PPM1K: variants seen among roughly 807,000 people sequenced by gnomAD.
PPM1K encodes protein phosphatase, Mg2+/Mn2+ dependent 1K.
Under a neutral mutation model 32.6 loss-of-function variants are expected in PPM1K, and 19 were observed. The ratio of observed to expected loss-of-function variants is 0.58; its 90% CI spans 0.41 to 0.86. PPM1K has a LOEUF of 0.86. Ranked by LOEUF, PPM1K falls within the 40% of genes least tolerant of loss-of-function variation. The pLI is 0.00. For missense variants in PPM1K, 362 were observed against 461.2 expected, an observed-to-expected ratio of 0.78 and a Z score of 1.97; for synonymous variants, 159 against 165.3, an observed-to-expected ratio of 0.96 and a Z score of 0.29.
chr4:88,280,249 T>C (rs79328247), intron 1 of PPM1K, among the ~76,000 whole-genome samples: 1 of 152,144 alleles, frequency 6.6e-6, no homozygotes, highest in Non-Finnish European at 1.5e-5. Flanking sequence ...CCTCAATCTT[T>C]AGATATTTAA....
intron 3 of PPM1K, among the ~76,000 whole-genome samples, chr4:88,274,109 A>C (rs1024049537): frequency 1.3e-5 from 2 of 152,150 alleles, no homozygotes; most frequent in Admixed American, 1.3e-4. Flanking sequence ...CTCGTCCTTG[A>C]TTTCCTTGGT....
chr4:88,273,658 G>A (rs1464341513), intron 3 of PPM1K, among the ~76,000 whole-genome samples: 1 of 150,044 alleles, frequency 6.7e-6, no homozygotes, highest in Non-Finnish European at 1.5e-5. Flanking sequence ...TCTAGCCTGG[G>A]AGACTAGAGC....
At chr4:88,268,357 G>A (rs750702059) in intron 4 of PPM1K, 23 bp from the exon 5 acceptor site, 13 of 1,613,896 alleles carry the variant, frequency 8.1e-6, no homozygotes, top group Middle Eastern at 1.6e-4. Context: ...AAATGACAAT[G>A]GTGTGATATG....
At chr4:88,269,505 A>G (rs1731473260) in intron 3 of PPM1K, among the ~76,000 whole-genome samples, 1 of 152,200 alleles carries the variant, frequency 6.6e-6, no homozygotes. Context: ...AAAATCCTAA[A>G]ATGGTTACAG....
chr4:88,276,663 C>T, intron 3 of PPM1K: 1 of 984,958 alleles, frequency 1.0e-6, no homozygotes, highest in Non-Finnish European at 1.2e-6. Flanking sequence ...GCATATTAAC[C>T]ATTGTCTTTT....
In PPM1K at chr4:88,277,112, A is replaced by G. The variant is rs28521636; in HGVS notation, c.541+31T>C. On this transcript the variant is annotated intron_variant, in intron 3 of 6. Transcript: ENST00000608933. ...TCCTCCCCCACCCCATGTACTCCCT[A>G]GGATCCAAGGAATGTGATAGTTTTA... is the stretch of plus-strand genomic sequence containing the variant. 2.9e-3 allele frequency: 4,164 copies of G among 1,436,894 alleles called. 15 individuals carry two copies. Among genetic ancestry groups the G allele is most frequent in the Non-Finnish European group, 3.7e-3 (3,793 of 1,019,628 alleles). The allele number at this position is 1,436,894 out of a possible 1,614,324, so 89.0% of individuals were successfully genotyped here. A position where few individuals can be genotyped will look rare whatever the true frequency, so the allele number is the denominator to read the frequency against.
rs1359937571 is a variant in PPM1K, at chr4:88,278,137, T to A, written c.440+7A>T. The stretch of plus-strand genomic sequence containing the variant: ...GCAAAGTCAGGAGTGAAAGTCATTG[T>A]ACATACATAATACATTTCTCCATGT... On this transcript the variant is annotated splice_region_variant and intron_variant, in intron 2 of 6. Transcript: ENST00000608933. This position sits in a 1 kb window ranked among gnomAD's most constrained non-coding sequence, Gnocchi z 4.2. The A allele has an allele frequency of 6.2e-7, 1 of 1,608,222 alleles. No homozygotes were observed. The highest frequency in any genetic ancestry group is 1.3e-5 in the African/African-American group (1 of 74,836).
intron 3 of PPM1K, among the ~76,000 whole-genome samples, chr4:88,270,499 A>C (rs1019694031): frequency 6.6e-6 from 1 of 152,216 alleles, no homozygotes; most frequent in Non-Finnish European, 1.5e-5. Flanking sequence ...CGTAACTTTA[A>C]ATTACCCAAA....
chr4:88,276,918 G>T, intron 3 of PPM1K: 1 of 767,656 alleles, frequency 1.3e-6, no homozygotes, highest in Non-Finnish European at 1.8e-6. Flanking sequence ...TTCTCTTTCT[G>T]AAAAATTCTC....
chr4:88,273,485 A>T (rs1731641412), intron 3 of PPM1K, among the ~76,000 whole-genome samples: 1 of 152,182 alleles, frequency 6.6e-6, no homozygotes, highest in African/African-American at 2.4e-5. Context: ...GTTAGAGACC[A>T]GCCTGACCAA....
chr4:88,273,776 T>A (rs13125860), intron 3 of PPM1K, among the ~76,000 whole-genome samples: 45,120 of 151,516 alleles, frequency 0.3, 8,114 homozygotes, highest in Non-Finnish European at 0.39. Flanking sequence ...TGTAAAGAAA[T>A]GGGCAACATG....
At chr4:88,268,098 G>T in intron 5 of PPM1K, 92 bp downstream of exon 5, 6 of 1,345,276 alleles carry the variant, frequency 4.5e-6, no homozygotes, top group South Asian at 1.4e-5. Flanking sequence ...AATCATTTTG[G>T]CTTCAGTTAA....
chr4:88,265,733 A>G (rs1289445631), intron 5 of PPM1K, among the ~76,000 whole-genome samples: 1 of 152,272 alleles, frequency 6.6e-6, no homozygotes, highest in Non-Finnish European at 1.5e-5. Flanking sequence ...TTAAAAGTAA[A>G]GAGTAAAGAA....
intron 3 of PPM1K, among the ~76,000 whole-genome samples, chr4:88,272,739 G>C (rs1731614836): frequency 6.6e-6 from 1 of 152,210 alleles, no homozygotes. Flanking sequence ...AAAAATAGCT[G>C]ACAATTTCTT....
chr4:88,267,720 ATCTC>A (rs1025371634), intron 5 of PPM1K, among the ~76,000 whole-genome samples: 7 of 152,324 alleles, frequency 4.6e-5, no homozygotes, highest in Admixed American at 3.9e-4. Context: ...AGGTTTTACT[ATCTC>A]TCCACATTTT....
intron 3 of PPM1K, among the ~76,000 whole-genome samples, chr4:88,273,920 C>T (rs368190297): frequency 2.6e-5 from 4 of 152,296 alleles, no homozygotes; most frequent in African/African-American, 9.6e-5. Context: ...CACATCTGGT[C>T]CAACCAATCT....
chr4:88,274,979 T>C (rs1578320446), intron 3 of PPM1K: 1 of 452,128 alleles, frequency 2.2e-6, no homozygotes, highest in Non-Finnish European at 2.9e-6. Flanking sequence ...CAAAATAAGA[T>C]TTAATAACAA....
At position 88,278,470 on chromosome 4, in the gene PPM1K, G is replaced by A; in HGVS notation, c.114C>T (p.Cys38=). The change falls in exon 2 of 7, where the codon TGC becomes TGT. Residue 38 remains cysteine (C), a synonymous_variant. Transcript: ENST00000608933. This position sits in a 1 kb window ranked among gnomAD's most constrained non-coding sequence, Gnocchi z 4.2. Reference sequence around the variant, plus strand: ...ACCTAGGCTCTGAAGTGGAGCTGTGGCACGTGGGTGTCACCCGCCTGTCGT... The same window carrying A: ...ACCTAGGCTCTGAAGTGGAGCTGTGACACGTGGGTGTCACCCGCCTGTCGT... ...LQDDRRVTPT[C]HSSTSEPRCS... is the part of the protein sequence containing the mutation. 6.2e-7 allele frequency: 1 copy of A among 1,614,108 alleles called. No individual in the cohort carries two copies.
At chr4:88,275,531 TAA>T in intron 3 of PPM1K, 1 of 985,432 alleles carries the variant, frequency 1.0e-6, no homozygotes, top group Non-Finnish European at 1.2e-6. Flanking sequence ...TAGATACTTT[TAA>T]AAGAGGCTGA....
Sources: gnomAD v4.1 joint callset for allele counts (sites outside exome capture counted in the v4.1 genomes callset) on GRCh38, gnomAD v4.1.1 for gene constraint, Gnocchi (gnomAD v3.1) non-coding constraint, MANE v1.5 for transcripts, NCBI Gene and HGNC (gene_info 2026-07-23, HGNC 2026-07-21) for gene names.